Variants in KCNK1 observed in about 807,000 individuals in gnomAD.
KCNK1 encodes potassium channel subfamily K member 1.
KCNK1 carries 10 observed loss-of-function variants against 22.2 expected under a neutral mutation model. The ratio of observed to expected loss-of-function variants is 0.45; its 90% CI spans 0.28 to 0.76. The LOEUF is 0.76. KCNK1 is among the 30% of genes least tolerant of loss of function. KCNK1 has a pLI of 0.14. For synonymous variants in KCNK1, 200 were observed against 186.4 expected (o/e 1.07, Z -0.60); for missense variants, 378 against 421.0 (o/e 0.90, Z 0.89).
chr1:233,668,841 G>A (rs895460524), intron 2 of KCNK1, among the ~76,000 whole-genome samples: 2 of 152,146 alleles, frequency 1.3e-5, no homozygotes, highest in South Asian at 4.1e-4. Flanking sequence ...TCCTGACTTC[G>A]TGATCTGCCC....
At chr1:233,650,563 A>T (rs1244456145) in intron 1 of KCNK1, among the ~76,000 whole-genome samples, 1 of 152,104 alleles carries the variant, frequency 6.6e-6, no homozygotes, top group Non-Finnish European at 1.5e-5. Context: ...GAAGAGTTTA[A>T]CTTCATGGTA....
intron 1 of KCNK1, among the ~76,000 whole-genome samples, chr1:233,618,903 A>T (rs1280935092): frequency 6.6e-6 from 1 of 152,188 alleles, no homozygotes; most frequent in Non-Finnish European, 1.5e-5. Context: ...AGAAACATAA[A>T]AACAAAACAA....
intron 2 of KCNK1, among the ~76,000 whole-genome samples, chr1:233,671,037 A>C (rs1168291479): frequency 6.6e-6 from 1 of 152,070 alleles, no homozygotes; most frequent in Non-Finnish European, 1.5e-5. Context: ...CTGTGATTCT[A>C]ACTAATCCAA....
At chr1:233,645,850 A>G (rs1658082903) in intron 1 of KCNK1, among the ~76,000 whole-genome samples, 1 of 152,208 alleles carries the variant, frequency 6.6e-6, no homozygotes, top group African/African-American at 2.4e-5. Context: ...GAAGTGCTCT[A>G]TTTAGAACAT....
intron 1 of KCNK1, among the ~76,000 whole-genome samples, chr1:233,647,299 A>T (rs910853651): frequency 9.9e-5 from 15 of 152,198 alleles, no homozygotes; most frequent in African/African-American, 2.9e-4. Context: ...TGGTTTAATG[A>T]ATCACAGCTG....
chr1:233,658,403 G>T (rs749406397), intron 1 of KCNK1, among the ~76,000 whole-genome samples: 23 of 152,190 alleles, frequency 1.5e-4, no homozygotes, highest in Admixed American at 5.9e-4. Flanking sequence ...TAGAAAATTC[G>T]ATTTTTTTGA....
At chr1:233,628,312 G>A (rs2102886548) in intron 1 of KCNK1, among the ~76,000 whole-genome samples, 1 of 152,302 alleles carries the variant, frequency 6.6e-6, no homozygotes, top group Middle Eastern at 3.4e-3. Flanking sequence ...AAGGATGGAA[G>A]GAGGGCCAGG....
At chr1:233,621,730 G>GT (rs532798200) in intron 1 of KCNK1, among the ~76,000 whole-genome samples, 4,167 of 151,510 alleles carry the variant, frequency 0.028, 68 homozygotes, top group Non-Finnish European at 0.042. Flanking sequence ...AAGGTTTGGG[G>GT]TTTTTTTTTA....
intron 1 of KCNK1, among the ~76,000 whole-genome samples, chr1:233,665,276 C>G (rs1397234239): frequency 6.6e-6 from 1 of 152,138 alleles, no homozygotes; most frequent in Non-Finnish European, 1.5e-5. Context: ...ATGAGCGGTA[C>G]AGAGTAAGAG....
chr1:233,661,221 C>T (rs1002968882), intron 1 of KCNK1, among the ~76,000 whole-genome samples: 5 of 152,232 alleles, frequency 3.3e-5, no homozygotes, highest in East Asian at 1.9e-4. Flanking sequence ...TCTTTCACTG[C>T]GCTGCCATTT....
intron 1 of KCNK1, among the ~76,000 whole-genome samples, chr1:233,634,604 G>A (rs1240663597): frequency 6.6e-6 from 1 of 152,188 alleles, no homozygotes; most frequent in Non-Finnish European, 1.5e-5. Flanking sequence ...GAGGCTGAAG[G>A]CAGAGTTTTT....
chr1:233,651,826 C>A (rs962128250), intron 1 of KCNK1, among the ~76,000 whole-genome samples: 1 of 152,198 alleles, frequency 6.6e-6, no homozygotes, highest in African/African-American at 2.4e-5. Context: ...AACGCCAGGA[C>A]ACGTTGATGG....
At chr1:233,628,762 A>ATAATAATAATAATAATAATAATAATAG (rs1236052096) in intron 1 of KCNK1, among the ~76,000 whole-genome samples, 30 of 151,350 alleles carry the variant, frequency 2.0e-4, no homozygotes, top group African/African-American at 6.6e-4. Flanking sequence ...TCTGTCTCAA[A>ATAATAATAATAATAATAATAATAATAG]TAATAATAAT....
intron 1 of KCNK1, among the ~76,000 whole-genome samples, chr1:233,634,586 G>A (rs1365159300): frequency 6.6e-6 from 1 of 152,202 alleles, no homozygotes; most frequent in Non-Finnish European, 1.5e-5. Context: ...CTGTTGGAGA[G>A]AGTCAACGAG....
chr1:233,651,519 T>A (rs1658201672), intron 1 of KCNK1, among the ~76,000 whole-genome samples: 1 of 152,186 alleles, frequency 6.6e-6, no homozygotes, highest in South Asian at 2.1e-4. Context: ...TTATCTTCAC[T>A]CTGTTGTCCT....
intron 1 of KCNK1, among the ~76,000 whole-genome samples, chr1:233,638,159 A>G (rs1445015273): frequency 6.6e-6 from 1 of 152,144 alleles, no homozygotes; most frequent in Non-Finnish European, 1.5e-5. Flanking sequence ...AACAAAGCCA[A>G]GTAAGTGTCT....
At chr1:233,667,132 C>G in intron 2 of KCNK1, 142 bp downstream of exon 2, 1 of 559,058 alleles carries the variant, frequency 1.8e-6, no homozygotes, top group Non-Finnish European at 2.7e-6. Flanking sequence ...CAACCTCCGC[C>G]TTCCGGGTTC....
At chr1:233,664,898 T>A (rs549464279) in intron 1 of KCNK1, among the ~76,000 whole-genome samples, 24 of 152,158 alleles carry the variant, frequency 1.6e-4, no homozygotes, top group African/African-American at 5.8e-4. Flanking sequence ...CAATTTCATT[T>A]AAAAAAAATG....
At chr1:233,622,327 T>C (rs701208) in intron 1 of KCNK1, among the ~76,000 whole-genome samples, 18,561 of 152,182 alleles carry the variant, frequency 0.12, 1,279 homozygotes, top group African/African-American at 0.17. Context: ...GCTTTTATTC[T>C]CCAAAGACAT....
Sources: gnomAD v4.1 joint callset for allele counts (sites outside exome capture counted in the v4.1 genomes callset) on GRCh38, gnomAD v4.1.1 for gene constraint, MANE v1.5 for transcripts, NCBI Gene and HGNC (gene_info 2026-07-23, HGNC 2026-07-21) for gene names.